PANX3: variants seen among roughly 807,000 people sequenced by gnomAD.
The protein encoded by PANX3 is pannexin-3.
PANX3 carries 18 observed loss-of-function variants against 31.5 expected under a neutral mutation model. The observed-to-expected ratio is 0.57, with a 90% CI of 0.39 to 0.85. PANX3 has a LOEUF of 0.85. PANX3 is among the 40% of genes least tolerant of loss of function. PANX3 has a pLI of 0.00. For synonymous variants in PANX3, 194 were observed against 201.6 expected (o/e 0.96, Z 0.32); for missense variants, 426 against 485.4 (o/e 0.88, Z 1.15).
chr11:124,611,764 CAA>C (rs1293007632), intron 1 of PANX3, 27 bp downstream of exon 1: 1 of 1,600,952 alleles, frequency 6.2e-7, no homozygotes, highest in Admixed American at 1.7e-5. Flanking sequence ...ACCCAGTGCG[CAA>C]GAGAGACTCC....
Position 124,613,084 on chromosome 11 carries a change from C to G in PANX3, c.286C>G (p.Pro96Ala). ...ACTGCTTCACCATAAGCAGGACGGGCCTGGCCAGGACAAAATGAAATCTCT... is the reference window on the plus strand; with the variant it reads ...ACTGCTTCACCATAAGCAGGACGGGGCTGGCCAGGACAAAATGAAATCTCT... ...DSLLHHKQDGPGQDKMKSLWP... is the reference protein window; with the variant it reads ...DSLLHHKQDGAGQDKMKSLWP... The change falls in exon 2 of 4, where the codon CCT becomes GCT. Residue 96 changes from proline to alanine, a missense_variant. Coordinates refer to ENST00000284288, the MANE Select transcript of PANX3 (RefSeq NM_052959.3). The G allele has an allele frequency of 6.2e-7, 1 of 1,614,022 alleles. No homozygotes were observed. The highest frequency in any genetic ancestry group is 2.2e-5 in the East Asian group (1 of 44,878).
In PANX3 at chr11:124,619,571, T is replaced by C. The variant is rs775160615; in HGVS notation, c.815T>C (p.Val272Ala). Residue 272 changes from valine to alanine, a missense_variant, in exon 4 of 4, where the codon GTT becomes GCT. By Grantham distance (64) the Val-to-Ala change is moderately conservative (BLOSUM62 0). Coordinates refer to ENST00000284288, the MANE Select transcript of PANX3 (RefSeq NM_052959.3). ...ACATCACTGTCCATTTTCCAGATTGTTAGCCTCTCCAGTGTAGCAATATAC... is the reference window on the plus strand; with the variant it reads ...ACATCACTGTCCATTTTCCAGATTGCTAGCCTCTCCAGTGTAGCAATATAC... ...RLTSLSIFQI[V>A]SLSSVAIYTI... 6.2e-7 allele frequency: 1 copy of C among 1,614,212 alleles called. No homozygotes were observed. Among genetic ancestry groups the C allele is most frequent in the South Asian group, 1.1e-5 (1 of 91,082 alleles).
chr11:124,614,443 T>A (rs546471008), intron 2 of PANX3, among the ~76,000 whole-genome samples: 14 of 151,876 alleles, frequency 9.2e-5, no homozygotes, highest in African/African-American at 3.4e-4. Flanking sequence ...AATTTTTGTA[T>A]TTTTAGTAGA....
At chr11:124,613,430 TC>T (rs1863117492) in intron 2 of PANX3, among the ~76,000 whole-genome samples, 1 of 152,150 alleles carries the variant, frequency 6.6e-6, no homozygotes, top group South Asian at 2.1e-4. Context: ...CTCATCAGTT[TC>T]CTCCTAGAAG....
Position 124,616,068 on chromosome 11 carries a change from G to A in PANX3, c.325-1206G>A, listed in dbSNP as rs1034019310. The stretch of plus-strand genomic sequence containing the variant: ...CTTTACAAGTAGAGATTTTACTGTA[G>A]GCAAAATAGTTGGCCCAACCCTGCT... On this transcript the variant is annotated intron_variant, in intron 2 of 3. Transcript: ENST00000284288. This position sits in a 1 kb window ranked among gnomAD's most constrained non-coding sequence, Gnocchi z 4.8. Among the ~76,000 whole-genome samples the A allele has an allele frequency of 1.4e-4, 21 of 152,222 alleles. No individual in the cohort carries two copies. The highest frequency in any genetic ancestry group is 4.6e-4 in the African/African-American group (19 of 41,534).
At chr11:124,613,714 T>C (rs1486017670) in intron 2 of PANX3, among the ~76,000 whole-genome samples, 1 of 152,090 alleles carries the variant, frequency 6.6e-6, no homozygotes, top group African/African-American at 2.4e-5. Context: ...TGCGGGCTGC[T>C]TCTCACACAG....
intron 2 of PANX3, among the ~76,000 whole-genome samples, chr11:124,614,447 T>A (rs1301115819): frequency 1.3e-5 from 2 of 151,856 alleles, no homozygotes; most frequent in African/African-American, 4.8e-5. Context: ...TTTGTATTTT[T>A]AGTAGAGATG....
chr11:124,611,820 G>A (rs985455683), intron 1 of PANX3, 83 bp downstream of exon 1: 53 of 1,414,546 alleles, frequency 3.7e-5, no homozygotes, highest in African/African-American at 8.5e-5. Context: ...GAGATGGTGC[G>A]CACAGTGACG....
rs1591369356 is a variant in PANX3, at chr11:124,619,414, A to C, written c.658A>C (p.Thr220Pro). 1 of 1,613,870 alleles carries C rather than the reference A, an allele frequency of 6.2e-7. No homozygotes were observed. Among genetic ancestry groups the C allele is most frequent in the Non-Finnish European group, 8.5e-7 (1 of 1,179,994 alleles). Residue 220 changes from threonine to proline, a missense_variant, in exon 4 of 4, where the codon ACC becomes CCC. Coordinates refer to ENST00000284288, the MANE Select transcript of PANX3 (RefSeq NM_052959.3). ...GAGGAACTCCCTCTTGCTCATCTTC[A>C]CCTCCGCCACTTACCTATACCTTGG... ...LLRNSLLLIF[T>P]SATYLYLGHF...
chr11:124,611,456 G>C lies in PANX3; in HGVS notation c.-101G>C. On this transcript the variant is annotated 5_prime_UTR_variant, in exon 1 of 4. Transcript: ENST00000284288. Reference sequence around the variant, plus strand: ...GATATCCATAAGGCTGGGGTGGCAGGCACTGTCTGCCCAAAGTCAGCTGCC... The same window carrying C: ...GATATCCATAAGGCTGGGGTGGCAGCCACTGTCTGCCCAAAGTCAGCTGCC... 1 of 1,101,684 alleles carries C rather than the reference G, an allele frequency of 9.1e-7. No individual in the cohort carries two copies. Among genetic ancestry groups the C allele is most frequent in the African/African-American group, 1.6e-5 (1 of 63,646 alleles). 68.2% of individuals were successfully genotyped at this position (1,101,684 alleles called of 1,614,324 possible). A position where few individuals can be genotyped will look rare whatever the true frequency, so the allele number is the denominator to read the frequency against.
intron 3 of PANX3, among the ~76,000 whole-genome samples, chr11:124,618,620 G>A (rs897197033): frequency 3.3e-5 from 5 of 152,028 alleles, no homozygotes; most frequent in African/African-American, 1.2e-4. Flanking sequence ...GAGTACACAG[G>A]CCAAGAACCA....
In PANX3 at chr11:124,611,730, C is replaced by G. The variant is rs866500738; in HGVS notation, c.174C>G (p.Phe58Leu). 1.2e-6 allele frequency: 2 copies of G among 1,613,462 alleles called. No individual in the cohort carries two copies. Among genetic ancestry groups the G allele is most frequent in the Non-Finnish European group, 1.7e-6 (2 of 1,179,716 alleles). Residue 58 changes from phenylalanine (F) to leucine (L), a missense_variant, in exon 1 of 4, where the codon TTC (phenylalanine) becomes TTG (leucine). Phe to Leu is a conservative substitution (Grantham distance 22). Transcript: ENST00000284288. Reference sequence around the variant, plus strand: ...TGTCCCTGGCATTCGCCCAGGAGTTCTCCTCTGGTAAGTTGCTTCCAAGAC... The same window carrying G: ...TGTCCCTGGCATTCGCCCAGGAGTTGTCCTCTGGTAAGTTGCTTCCAAGAC... ...LLMSLAFAQE[F>L]SSGSPISCFS...
chr11:124,614,561 C>T (rs920787795), intron 2 of PANX3, among the ~76,000 whole-genome samples: 1 of 152,100 alleles, frequency 6.6e-6, no homozygotes, highest in African/African-American at 2.4e-5. Flanking sequence ...AGCCATAGCA[C>T]CTGGCCACCA....
intron 3 of PANX3, among the ~76,000 whole-genome samples, chr11:124,618,655 G>A (rs1345978420): frequency 6.6e-6 from 1 of 152,080 alleles, no homozygotes; most frequent in Non-Finnish European, 1.5e-5. Flanking sequence ...TGGAGTGGGG[G>A]GGTGGGGGAG....
At chr11:124,614,167 TAAA>T (rs71042444) in intron 2 of PANX3, among the ~76,000 whole-genome samples, 1,097 of 73,460 alleles carry the variant, frequency 0.015, 6 homozygotes, top group African/African-American at 0.032. Context: ...ATCTAAATGG[TAAA>T]AAAAAAAAAA....
rs1471898322 is a variant in PANX3 at position 124,616,706 on chromosome 11, CATT to C, written c.325-566_325-564del. Among the ~76,000 whole-genome samples, 1 of 152,178 alleles carries C rather than the reference CATT, an allele frequency of 6.6e-6. No homozygotes were observed. The highest frequency in any genetic ancestry group is 1.5e-5 in the Non-Finnish European group (1 of 68,028). ...GACAGTGTCTGATAGTGTAGTTTGG[CATT>C]ACCAAGAATCCAAAAATCAGAAAAG... is the stretch of plus-strand genomic sequence containing the variant. On this transcript the variant is annotated intron_variant, in intron 2 of 3. Coordinates refer to ENST00000284288, the MANE Select transcript of PANX3 (RefSeq NM_052959.3). The surrounding 1 kb of genome is among the most constrained non-coding windows in gnomAD (Gnocchi z 4.8).
Position 124,616,745 on chromosome 11 carries a change from A to G in PANX3, c.325-529A>G, listed in dbSNP as rs1211872359. On this transcript the variant is annotated intron_variant, in intron 2 of 3. Transcript: ENST00000284288. This position sits in a 1 kb window ranked among gnomAD's most constrained non-coding sequence, Gnocchi z 4.8. ...CAAAAATCAGAAAAGACCACTGTGC[A>G]TCAGACAAGTCCAGGAAGGTGACAG... 1.3e-5 allele frequency among the ~76,000 whole-genome samples: 2 copies of G among 152,234 alleles called. No homozygotes were observed. Among genetic ancestry groups the G allele is most frequent in the Admixed American group, 6.5e-5 (1 of 15,290 alleles).
chr11:124,618,083 A>G (rs1299586097), intron 3 of PANX3, among the ~76,000 whole-genome samples: 2 of 152,190 alleles, frequency 1.3e-5, no homozygotes, highest in African/African-American at 4.8e-5. Context: ...TAAACAGAAC[A>G]CAGAAATGAA....
In PANX3 at chr11:124,611,871, C is replaced by T. The variant is rs1863096239; in HGVS notation, c.181+134C>T. On this transcript the variant is annotated intron_variant, in intron 1 of 3. Transcript: ENST00000284288. ...GGGCTGGGCTGGATTATCCAAAAGG[C>T]AGATGGTGCATGAGTTCAGGGCACC... 17 of 933,760 alleles carry T rather than the reference C, an allele frequency of 1.8e-5. No individual in the cohort carries two copies. The East Asian group carries it at 4.9e-4, about 27-fold the overall frequency. 57.8% of individuals were successfully genotyped at this position (933,760 alleles called of 1,614,324 possible). A position where few individuals can be genotyped will look rare whatever the true frequency, so the allele number is the denominator to read the frequency against.
Sources: allele counts gnomAD v4.1 joint callset (sites outside exome capture counted in the v4.1 genomes callset), GRCh38; gene constraint gnomAD v4.1.1; non-coding constraint Gnocchi (gnomAD v3.1); transcripts MANE v1.5; gene names NCBI Gene and HGNC (gene_info 2026-07-23, HGNC 2026-07-21).